CDK15: variants seen among roughly 807,000 people sequenced by gnomAD.
The protein encoded by CDK15 is cyclin-dependent kinase 15.
In CDK15, 62 loss-of-function variants were observed where a neutral mutation model predicts 60.3. The ratio of observed to expected loss-of-function variants is 1.03; its 90% CI spans 0.84 to 1.27. The LOEUF (loss-of-function observed/expected upper bound fraction) is 1.27, where lower values mean the gene tolerates loss of function less well. Among genes scored for constraint, CDK15 ranks in the 50% most tolerant of loss-of-function variants. CDK15 has a pLI of 0.00. For missense variants in CDK15, 541 were observed against 527.8 expected (o/e 1.03, Z -0.25); for synonymous variants, 194 against 195.7 (o/e 0.99, Z 0.07).
intron 12 of CDK15, among the ~76,000 whole-genome samples, chr2:201,884,050 T>G (rs1246607402): frequency 6.6e-6 from 1 of 152,214 alleles, no homozygotes; most frequent in East Asian, 1.9e-4. Context: ...TTAAGACTGA[T>G]TTTGGAACCT....
In CDK15 at chr2:201,816,750, C is replaced by T. The variant is rs142576187; in HGVS notation, c.448+4188C>T. Among the ~76,000 whole-genome samples, 264 of 151,986 alleles carry T rather than the reference C, an allele frequency of 1.7e-3. 1 individual carries two copies. Among genetic ancestry groups the T allele is most frequent in the Middle Eastern group, 0.01 (3 of 294 alleles). On this transcript the variant is annotated intron_variant, in intron 4 of 13. Coordinates refer to ENST00000652192, the MANE Select transcript of CDK15 (RefSeq NM_001366386.2). ...CAGAGATGGGGCTTGAACACTAAAC[C>T]AAATTTAGGACTAGCCAAAACAGGG...
chr2:201,873,130 A>C (rs1166757156), intron 11 of CDK15, among the ~76,000 whole-genome samples: 1 of 152,198 alleles, frequency 6.6e-6, no homozygotes, highest in Non-Finnish European at 1.5e-5. Context: ...ATTTAACTTA[A>C]CCAAAAGTTG....
chr2:201,860,768 A>G (rs1286177752), intron 10 of CDK15: 2 of 1,352,058 alleles, frequency 1.5e-6, no homozygotes, highest in African/African-American at 1.5e-5. Flanking sequence ...CATGGATGGC[A>G]TACTGACATC....
At chr2:201,825,075 G>A (rs1045897667) in intron 6 of CDK15, among the ~76,000 whole-genome samples, 3 of 152,126 alleles carry the variant, frequency 2.0e-5, no homozygotes, top group African/African-American at 7.2e-5. Flanking sequence ...AGCCCTTTGG[G>A]AGGCCAGAGT....
chr2:201,852,772 A>G (rs1313266138), intron 9 of CDK15, among the ~76,000 whole-genome samples: 1 of 152,244 alleles, frequency 6.6e-6, no homozygotes, highest in Non-Finnish European at 1.5e-5. Flanking sequence ...AAAGAATTCA[A>G]TAACTTGCAA....
At chr2:201,823,046 A>T in intron 5 of CDK15, 143 bp downstream of exon 5, 1 of 608,080 alleles carries the variant, frequency 1.6e-6, no homozygotes, top group South Asian at 2.2e-5. Context: ...TGATTAGTAG[A>T]ACCTTATTGT....
chr2:201,827,573 A>C (rs570696294), intron 6 of CDK15, among the ~76,000 whole-genome samples: 1 of 152,354 alleles, frequency 6.6e-6, no homozygotes, highest in Admixed American at 6.5e-5. Context: ...ATATGAAAGG[A>C]AATAAGAGAC....
chr2:201,816,074 G>C (rs1291568760), intron 4 of CDK15, among the ~76,000 whole-genome samples: 1 of 152,242 alleles, frequency 6.6e-6, no homozygotes, highest in East Asian at 1.9e-4. Context: ...ATAGAAATCT[G>C]TTTTTATTAT....
At chr2:201,867,327 T>G (rs1698671128) in intron 10 of CDK15, among the ~76,000 whole-genome samples, 1 of 152,120 alleles carries the variant, frequency 6.6e-6, no homozygotes. Context: ...TGGAGACCAT[T>G]GAAGACATAA....
chr2:201,868,053 C>A (rs1698701493), intron 10 of CDK15, among the ~76,000 whole-genome samples: 1 of 152,146 alleles, frequency 6.6e-6, no homozygotes, highest in South Asian at 2.1e-4. Flanking sequence ...ACCACTGACC[C>A]ACACTGAGGA....
At chr2:201,862,533 C>T (rs988272793) in intron 10 of CDK15, among the ~76,000 whole-genome samples, 5 of 152,190 alleles carry the variant, frequency 3.3e-5, no homozygotes, top group South Asian at 4.1e-4. Context: ...CAAAGAAGAA[C>T]ATGTAAGTTA....
At chr2:201,849,121 G>A (rs974630809) in intron 9 of CDK15, among the ~76,000 whole-genome samples, 5 of 152,214 alleles carry the variant, frequency 3.3e-5, no homozygotes, top group African/African-American at 9.6e-5. Context: ...GGCAAGTTAT[G>A]TAGTCCCTCT....
chr2:201,846,832 G>C (rs1697692611), intron 8 of CDK15, among the ~76,000 whole-genome samples: 1 of 152,086 alleles, frequency 6.6e-6, no homozygotes, highest in Non-Finnish European at 1.5e-5. Flanking sequence ...ATGTGAAAAA[G>C]TTTTAGGAAT....
intron 5 of CDK15, among the ~76,000 whole-genome samples, chr2:201,823,458 G>A (rs1696321163): frequency 6.6e-6 from 1 of 152,184 alleles, no homozygotes; most frequent in Non-Finnish European, 1.5e-5. Flanking sequence ...AACAGGCTTT[G>A]TTCTAAGAAC....
Position 201,893,469 on chromosome 2 carries a change from G to T in CDK15, c.*202G>T, listed in dbSNP as rs1699697874. ...ATAGTGGAAGAAAATTCAGTGGAAG[G>T]TTATTGCTATTGTCATTTGCATAGA... On this transcript the variant is annotated 3_prime_UTR_variant, in exon 14 of 14. Transcript: ENST00000652192. The T allele has an allele frequency of 6.6e-6, 1 of 152,122 alleles. No individual in the cohort carries two copies. Among genetic ancestry groups the T allele is most frequent in the Admixed American group, 6.5e-5 (1 of 15,276 alleles). 9.4% of individuals were successfully genotyped at this position (152,122 alleles called of 1,614,324 possible). A position where few individuals can be genotyped will look rare whatever the true frequency, so the allele number is the denominator to read the frequency against.
At chr2:201,814,018 T>C (rs941068637) in intron 4 of CDK15, among the ~76,000 whole-genome samples, 31 of 152,236 alleles carry the variant, frequency 2.0e-4, no homozygotes, top group Admixed American at 1.9e-3. Context: ...TTAAAGAGTA[T>C]TTGTGAACGT....
chr2:201,864,788 G>A (rs1253715220), intron 10 of CDK15, among the ~76,000 whole-genome samples: 1 of 152,210 alleles, frequency 6.6e-6, no homozygotes, highest in Non-Finnish European at 1.5e-5. Flanking sequence ...AACATTTTGA[G>A]ATTAAGGTAT....
chr2:201,845,938 G>A (rs1197065881), intron 8 of CDK15, among the ~76,000 whole-genome samples: 1 of 151,708 alleles, frequency 6.6e-6, no homozygotes, highest in African/African-American at 2.4e-5. Flanking sequence ...AGACTTATGA[G>A]AATAAAAATC....
intron 12 of CDK15, among the ~76,000 whole-genome samples, chr2:201,886,171 C>A (rs763404223): frequency 6.6e-6 from 1 of 152,068 alleles, no homozygotes; most frequent in Admixed American, 6.5e-5. Flanking sequence ...CTCCAGGTAG[C>A]GTGTTTAATA....
Sources: gnomAD v4.1 joint callset for allele counts (sites outside exome capture counted in the v4.1 genomes callset) on GRCh38, gnomAD v4.1.1 for gene constraint, MANE v1.5 for transcripts, NCBI Gene and HGNC (gene_info 2026-07-23, HGNC 2026-07-21) for gene names.